The following BBS9 variants were observed in gnomAD, a reference collection of about 807,000 sequenced individuals.
The protein encoded by BBS9 is protein PTHB1.
Under a neutral mutation model 117.7 loss-of-function variants are expected in BBS9, and 89 were observed. The ratio of observed to expected loss-of-function variants is 0.76; its 90% CI spans 0.64 to 0.90. The LOEUF is 0.90. Among genes scored for constraint, BBS9 ranks in the 40% least tolerant of loss-of-function variants. The pLI, the probability that BBS9 is intolerant of heterozygous loss-of-function variation, is 0.00. For missense variants in BBS9, 982 were observed against 1,042.2 expected, an observed-to-expected ratio of 0.94 and a Z score of 0.80; for synonymous variants, 379 against 370.9, an observed-to-expected ratio of 1.02 and a Z score of -0.25.
At chr7:33,505,369 T>A (rs1846003356) in intron 19 of BBS9, 94 bp from the exon 20 acceptor site, 1 of 1,187,736 alleles carries the variant, frequency 8.4e-7, no homozygotes, top group South Asian at 1.2e-5. Flanking sequence ...TTCATCAAGT[T>A]GTCTTGAAGA....
At chr7:33,162,289 A>G (rs905528243) in intron 4 of BBS9, among the ~76,000 whole-genome samples, 2 of 152,178 alleles carry the variant, frequency 1.3e-5, no homozygotes, top group Non-Finnish European at 2.9e-5. Flanking sequence ...TCCCAGCACC[A>G]TTTATTAAAT....
chr7:33,485,317 T>C (rs1011887998), intron 19 of BBS9, among the ~76,000 whole-genome samples: 55 of 150,966 alleles, frequency 3.6e-4, no homozygotes, highest in African/African-American at 1.3e-3. Context: ...AGTTTTTTTT[T>C]TTTTTTTTTT....
chr7:33,594,903 A>G (rs1412590230), intron 21 of BBS9, among the ~76,000 whole-genome samples: 2 of 152,178 alleles, frequency 1.3e-5, no homozygotes, highest in Admixed American at 6.6e-5. Flanking sequence ...AAGACCACAC[A>G]TCTACAACCA....
At chr7:33,182,358 G>C (rs1165389785) in intron 5 of BBS9, among the ~76,000 whole-genome samples, 1 of 152,148 alleles carries the variant, frequency 6.6e-6, no homozygotes, top group Non-Finnish European at 1.5e-5. Flanking sequence ...GCACCAGACA[G>C]AAGTGCAGAT....
At chr7:33,179,299 C>T (rs185143075) in intron 5 of BBS9, among the ~76,000 whole-genome samples, 130 of 152,258 alleles carry the variant, frequency 8.5e-4, no homozygotes, top group Middle Eastern at 3.4e-3. Context: ...CAGGGATCCC[C>T]GATCCCCAAG....
At position 33,527,651 on chromosome 7, in the gene BBS9, A is replaced by G. The variant is rs577033381; in HGVS notation, c.2299-6303A>G. ...CACTGACCTGCGCCCACTGTCTGGC[A>G]CTCCCTAGTGAGATGAACCAGGTAC... On this transcript the variant is annotated intron_variant, in intron 20 of 22. Coordinates refer to ENST00000242067, the MANE Select transcript of BBS9 (RefSeq NM_198428.3). Among the ~76,000 whole-genome samples, 517 of 152,060 alleles carry G rather than the reference A, an allele frequency of 3.4e-3. 3 individuals carry two copies. The highest frequency in any genetic ancestry group is 0.012 in the African/African-American group (489 of 41,460).
chr7:33,478,964 T>G (rs939114840), intron 19 of BBS9, among the ~76,000 whole-genome samples: 7 of 152,090 alleles, frequency 4.6e-5, no homozygotes, highest in African/African-American at 1.7e-4. Context: ...GTTACTTTAC[T>G]GTTCATTTAC....
chr7:33,418,935 G>A (rs987314961), intron 19 of BBS9, among the ~76,000 whole-genome samples: 5 of 152,122 alleles, frequency 3.3e-5, no homozygotes, highest in African/African-American at 1.2e-4. Flanking sequence ...AATACCTTTA[G>A]CTTGAAGTAG....
chr7:33,402,533 A>T (rs1159968556), intron 19 of BBS9, among the ~76,000 whole-genome samples: 3 of 152,172 alleles, frequency 2.0e-5, no homozygotes, highest in Admixed American at 2.0e-4. Context: ...CAACTACAAG[A>T]AACTACTAAT....
intron 21 of BBS9, among the ~76,000 whole-genome samples, chr7:33,602,368 C>A (rs972902046): frequency 9.2e-5 from 14 of 152,142 alleles, no homozygotes; most frequent in African/African-American, 3.1e-4. Flanking sequence ...ATTGTTCTTC[C>A]CAAACTGGAA....
At chr7:33,429,635 ATACT>A (rs1834145418) in intron 19 of BBS9, among the ~76,000 whole-genome samples, 1 of 152,156 alleles carries the variant, frequency 6.6e-6, no homozygotes, top group South Asian at 2.1e-4. Flanking sequence ...GGGGTTAATA[ATACT>A]TACTTTTCAG....
Position 33,131,451 on chromosome 7 carries a change from G to C in BBS9, c.-12+1410G>C, listed in dbSNP as rs545081366. ...CTTTTGTTGAAAATTCCAACAGTGA[G>C]CCCTTGTATTATTGCCTTCAAAAGC... On this transcript the variant is annotated intron_variant, in intron 1 of 22. Coordinates refer to ENST00000242067, the MANE Select transcript of BBS9 (RefSeq NM_198428.3). Among the ~76,000 whole-genome samples the C allele has an allele frequency of 2.8e-4, 42 of 152,304 alleles. 1 individual carries two copies. In the South Asian group the frequency reaches 5.4e-3, roughly 20 times the overall value.
chr7:33,314,204 G>C (rs1442372509), intron 9 of BBS9: 1 of 404,324 alleles, frequency 2.5e-6, no homozygotes, highest in African/African-American at 2.1e-5. Flanking sequence ...TTATGTGTTA[G>C]GTAAGGACTT....
chr7:33,219,349 G>A (rs952688326), intron 5 of BBS9, among the ~76,000 whole-genome samples: 1 of 152,216 alleles, frequency 6.6e-6, no homozygotes, highest in Non-Finnish European at 1.5e-5. Flanking sequence ...CCCAAGGGCT[G>A]GGGAGTGCGG....
rs557489796 is a variant in BBS9 at position 33,622,554 on chromosome 7, C to T, written c.2522-12623C>T. On this transcript the variant is annotated intron_variant, in intron 21 of 21. Transcript: ENST00000671952. ...AATATCAAAGCATCACTTTGTATAC[C>T]GTAAATATATACAATTTTTATTTGT... 1.7e-4 allele frequency among the ~76,000 whole-genome samples: 26 copies of T among 151,952 alleles called. 1 individual carries two copies. The highest frequency in any genetic ancestry group is 3.4e-3 in the Middle Eastern group (1 of 294).
chr7:33,301,997 G>A (rs1806554025), intron 9 of BBS9, among the ~76,000 whole-genome samples: 1 of 152,054 alleles, frequency 6.6e-6, no homozygotes, highest in Non-Finnish European at 1.5e-5. Context: ...ATATCTTATT[G>A]TAGTTTTAAT....
chr7:33,563,170 CA>C (rs1421136596), intron 21 of BBS9, among the ~76,000 whole-genome samples: 2 of 152,084 alleles, frequency 1.3e-5, no homozygotes, highest in Non-Finnish European at 2.9e-5. Flanking sequence ...TCTCTGGTGT[CA>C]AAAGGATAAG....
chr7:33,204,898 C>G (rs111238495), intron 5 of BBS9, among the ~76,000 whole-genome samples: 5 of 152,272 alleles, frequency 3.3e-5, no homozygotes, highest in Admixed American at 1.3e-4. Flanking sequence ...TCATGTTCCT[C>G]TTAGTTTTTC....
At chr7:33,508,346 G>A (rs967132981) in intron 20 of BBS9, among the ~76,000 whole-genome samples, 1 of 152,152 alleles carries the variant, frequency 6.6e-6, no homozygotes, top group Non-Finnish European at 1.5e-5. Flanking sequence ...GGGCTTCTTC[G>A]GTCATTCCTG....
Sources: allele counts gnomAD v4.1 joint callset (sites outside exome capture counted in the v4.1 genomes callset), GRCh38; gene constraint gnomAD v4.1.1; transcripts MANE v1.5; gene names NCBI Gene and HGNC (gene_info 2026-07-23, HGNC 2026-07-21).